Variants in RGS17 observed in about 807,000 individuals in gnomAD.
RGS17 encodes regulator of G-protein signaling 17.
RGS17 carries 12 observed loss-of-function variants against 25.5 expected under a neutral mutation model. The ratio of observed to expected loss-of-function variants is 0.47; its 90% CI spans 0.30 to 0.76. The LOEUF is 0.76. RGS17 is among the 30% of genes least tolerant of loss of function. The pLI, the probability that RGS17 is intolerant of heterozygous loss-of-function variation, is 0.07. For synonymous variants in RGS17, 71 were observed against 76.9 expected (o/e 0.92, Z 0.40); for missense variants, 196 against 242.2 (o/e 0.81, Z 1.27).
At chr6:153,019,511 G>C (rs1412089982) in intron 4 of RGS17, among the ~76,000 whole-genome samples, 1 of 152,130 alleles carries the variant, frequency 6.6e-6, no homozygotes, top group Admixed American at 6.5e-5. Flanking sequence ...GATGGGGTCT[G>C]GTGGGAGATG....
intron 1 of RGS17, among the ~76,000 whole-genome samples, chr6:153,051,381 T>C (rs1289825599): frequency 6.6e-6 from 1 of 152,166 alleles, no homozygotes; most frequent in Non-Finnish European, 1.5e-5. Context: ...AAAGAATACA[T>C]ATGTAATCAT....
chr6:153,087,140 G>C (rs1157532323), intron 1 of RGS17, among the ~76,000 whole-genome samples: 14 of 41,362 alleles, frequency 3.4e-4, no homozygotes, highest in African/African-American at 8.0e-4. Context: ...AAAATTAGCT[G>C]GGCGTGGTGG....
chr6:153,026,499 G>C lies in RGS17; in HGVS notation c.164C>G (p.Pro55Arg). Residue 55 changes from proline to arginine, a missense_variant, in exon 3 of 5, where the codon CCC becomes CGC. Physicochemically the swap from Pro to Arg is moderately radical, Grantham distance 103. Around this residue, in one of 2 missense-constraint regions of RGS17, gnomAD observed 179 missense variants for 197.6 expected, o/e 0.91. Coordinates refer to ENST00000206262, the MANE Select transcript of RGS17 (RefSeq NM_012419.5). ...ACTCTCCATTTTTGTAGTGTGTGTG[G>C]GTCTTCCCGCATTTTCCCCTCTTTC... is the stretch of plus-strand genomic sequence containing the variant. The part of the protein sequence containing the change: ...NEERGENAGR[P>R]THTTKMESIQ... 1 of 1,613,392 alleles carries C rather than the reference G, an allele frequency of 6.2e-7. No homozygotes were observed. The highest frequency in any genetic ancestry group is 1.3e-5 in the African/African-American group (1 of 74,960).
chr6:153,081,492 T>TATACATGC (rs951629104), intron 1 of RGS17, among the ~76,000 whole-genome samples: 13 of 152,138 alleles, frequency 8.5e-5, no homozygotes, highest in Non-Finnish European at 2.9e-5. Context: ...GTAGATCATG[T>TATACATGC]ATATGGTTGG....
chr6:153,120,364 C>T (rs186096630), intron 1 of RGS17, among the ~76,000 whole-genome samples: 157 of 152,326 alleles, frequency 1.0e-3, no homozygotes, highest in African/African-American at 3.7e-3. Flanking sequence ...ATTTCCCAGA[C>T]TCATAGGCTA....
intron 1 of RGS17, among the ~76,000 whole-genome samples, chr6:153,072,443 T>C (rs1446646194): frequency 6.6e-6 from 1 of 152,206 alleles, no homozygotes; most frequent in African/African-American, 2.4e-5. Flanking sequence ...TAGATTGTCA[T>C]ACAACTCTCG....
intron 1 of RGS17, among the ~76,000 whole-genome samples, chr6:153,089,236 T>C (rs200916663): frequency 0.032 from 4,889 of 151,662 alleles, 381 homozygotes; most frequent in South Asian, 0.26. Flanking sequence ...TATATATGTA[T>C]ATATGTATAT....
intron 1 of RGS17, among the ~76,000 whole-genome samples, chr6:153,103,710 A>T (rs1777339925): frequency 6.6e-6 from 1 of 152,214 alleles, no homozygotes; most frequent in Non-Finnish European, 1.5e-5. Flanking sequence ...AATGTATCTT[A>T]TCTTTTCTTT....
intron 1 of RGS17, among the ~76,000 whole-genome samples, chr6:153,061,184 AG>A (rs1487628315): frequency 6.6e-6 from 1 of 152,218 alleles, no homozygotes; most frequent in Non-Finnish European, 1.5e-5. Context: ...ATTTTAGAAC[AG>A]CAGCATTAGC....
chr6:153,013,203 CATA>C (rs1295937880), intron 4 of RGS17, among the ~76,000 whole-genome samples: 2 of 152,124 alleles, frequency 1.3e-5, no homozygotes, highest in Admixed American at 6.5e-5. Flanking sequence ...TGGTAGTTCC[CATA>C]ATATTTCACA....
chr6:153,110,425 T>TACACACAC (rs149969105), intron 1 of RGS17, among the ~76,000 whole-genome samples: 14,243 of 144,778 alleles, frequency 0.098, 837 homozygotes, highest in East Asian at 0.28. Flanking sequence ...ACTGCCAACA[T>TACACACAC]ACACACACAC....
At chr6:153,034,224 C>G (rs2129108456) in intron 2 of RGS17, among the ~76,000 whole-genome samples, 1 of 152,158 alleles carries the variant, frequency 6.6e-6, no homozygotes, top group East Asian at 1.9e-4. Flanking sequence ...GAACAGACAC[C>G]ATGGAAGACA....
At chr6:153,114,327 G>A (rs1479298668) in intron 1 of RGS17, among the ~76,000 whole-genome samples, 1 of 151,958 alleles carries the variant, frequency 6.6e-6, no homozygotes, top group African/African-American at 2.4e-5. Context: ...GCTAGAAAAT[G>A]TAGAAGAAAT....
intron 1 of RGS17, among the ~76,000 whole-genome samples, chr6:153,095,345 A>G (rs1282241790): frequency 2.0e-5 from 3 of 152,138 alleles, no homozygotes; most frequent in Non-Finnish European, 4.4e-5. Flanking sequence ...TGAAGTGGCA[A>G]AAAGAACACA....
At chr6:153,049,501 C>G (rs536931665) in intron 1 of RGS17, among the ~76,000 whole-genome samples, 45 of 152,108 alleles carry the variant, frequency 3.0e-4, no homozygotes, top group Non-Finnish European at 5.9e-5. Context: ...CCTGTAATCC[C>G]AGCACTTTGG....
chr6:153,066,254 G>A (rs548078109), intron 1 of RGS17, among the ~76,000 whole-genome samples: 1 of 152,156 alleles, frequency 6.6e-6, no homozygotes, highest in African/African-American at 2.4e-5. Context: ...CAGAACAGAT[G>A]AGGAGAAAAG....
At chr6:153,059,202 G>A (rs775043047) in intron 1 of RGS17, among the ~76,000 whole-genome samples, 1 of 151,910 alleles carries the variant, frequency 6.6e-6, no homozygotes, top group Non-Finnish European at 1.5e-5. Flanking sequence ...TAGTTGCTCC[G>A]GTGCTTTCCC....
In RGS17 at chr6:153,131,261, C is replaced by T. The variant is rs1418926078; in HGVS notation, c.-163G>A. ...GCGGGCGAGGAGAGAGGGAGAGCGGCGAGGATGCAGAGGAGGGGGAGGGGG... is the reference window on the plus strand; with the variant it reads ...GCGGGCGAGGAGAGAGGGAGAGCGGTGAGGATGCAGAGGAGGGGGAGGGGG... On this transcript the variant is annotated 5_prime_UTR_variant, in exon 1 of 5. Transcript: ENST00000206262. 2 of 121,334 alleles carry T rather than the reference C, an allele frequency of 1.6e-5. No individual in the cohort carries two copies. The highest frequency in any genetic ancestry group is 6.1e-5 in the African/African-American group (2 of 32,706). 7.5% of individuals were successfully genotyped at this position (121,334 alleles called of 1,614,324 possible). A position where few individuals can be genotyped will look rare whatever the true frequency, so the allele number is the denominator to read the frequency against.
At chr6:153,107,655 A>T (rs1439421775) in intron 1 of RGS17, among the ~76,000 whole-genome samples, 2 of 152,228 alleles carry the variant, frequency 1.3e-5, no homozygotes, top group Non-Finnish European at 2.9e-5. Flanking sequence ...AACTTAAAAA[A>T]AATAATATTT....
Sources: gnomAD v4.1 joint callset for allele counts (sites outside exome capture counted in the v4.1 genomes callset) on GRCh38, gnomAD v4.1.1 for gene constraint, gnomAD v4.1.1 regional missense constraint, MANE v1.5 for transcripts, NCBI Gene and HGNC (gene_info 2026-07-23, HGNC 2026-07-21) for gene names.